LMBRD1: variants seen among roughly 807,000 people sequenced by gnomAD.
LMBRD1 encodes LMBR1 domain containing 1.
LMBRD1 carries 64 observed loss-of-function variants against 74.8 expected under a neutral mutation model. That is an observed-to-expected ratio of 0.86 (90% confidence interval 0.70 to 1.05). LMBRD1 has a LOEUF of 1.05. Ranked by LOEUF, LMBRD1 falls within the 50% of genes least tolerant of loss-of-function variation. The pLI is 0.00. For missense variants in LMBRD1, 652 were observed against 645.9 expected (o/e 1.01, Z -0.10); for synonymous variants, 204 against 216.3 (o/e 0.94, Z 0.50).
At chr6:69,773,891 A>C (rs73486032) in intron 3 of LMBRD1, among the ~76,000 whole-genome samples, 17,099 of 152,210 alleles carry the variant, frequency 0.11, 2,688 homozygotes, top group African/African-American at 0.35. Flanking sequence ...TGTTGCCTGC[A>C]TCAATATAGA....
chr6:69,716,980 ATAC>A (rs1485490813), intron 8 of LMBRD1, among the ~76,000 whole-genome samples: 1 of 151,814 alleles, frequency 6.6e-6, no homozygotes, highest in East Asian at 1.9e-4. Flanking sequence ...TATATTTTAT[ATAC>A]TCACAAACAG....
chr6:69,776,612 CAATT>C (rs1295189406), intron 3 of LMBRD1, among the ~76,000 whole-genome samples: 1 of 152,168 alleles, frequency 6.6e-6, no homozygotes, highest in Non-Finnish European at 1.5e-5. Context: ...ACATAAAAGA[CAATT>C]AAAGCATAAG....
intron 7 of LMBRD1, among the ~76,000 whole-genome samples, chr6:69,728,277 C>T (rs879454171): frequency 3.9e-5 from 6 of 152,172 alleles, no homozygotes; most frequent in Non-Finnish European, 7.4e-5. Context: ...TAGACACTAC[C>T]CCGATGATCC....
rs1355203134 is a variant in LMBRD1 at position 69,737,801 on chromosome 6, C to A, written c.636+141G>T. ...GATGGCTAAGTAGTTAAAATTTTAC[C>A]CTTAAGTAAAGAAAACTGAAGAAAA... On this transcript the variant is annotated intron_variant, in intron 7 of 15. Transcript: ENST00000649934. 3 of 670,720 alleles carry A rather than the reference C, an allele frequency of 4.5e-6. No homozygotes were observed. The East Asian group carries it at 8.4e-5, about 19-fold the overall frequency. 41.5% of individuals were successfully genotyped at this position (670,720 alleles called of 1,614,324 possible).
chr6:69,777,979 A>G (rs1765741949), intron 3 of LMBRD1, among the ~76,000 whole-genome samples: 1 of 152,194 alleles, frequency 6.6e-6, no homozygotes, highest in Admixed American at 6.5e-5. Context: ...GATAGTAACT[A>G]CCTTCGAAGC....
chr6:69,714,939 T>C (rs1025860451), intron 8 of LMBRD1, among the ~76,000 whole-genome samples: 14 of 152,158 alleles, frequency 9.2e-5, no homozygotes, highest in Admixed American at 3.9e-4. Context: ...TATGATTTTG[T>C]AGGTCTTGGG....
At chr6:69,706,519 A>G (rs557912755) in intron 9 of LMBRD1, among the ~76,000 whole-genome samples, 1 of 152,310 alleles carries the variant, frequency 6.6e-6, no homozygotes, top group East Asian at 1.9e-4. Context: ...AATTAATAAT[A>G]CGATCAACTT....
chr6:69,687,941 A>G (rs887407252), intron 14 of LMBRD1, among the ~76,000 whole-genome samples: 9 of 152,142 alleles, frequency 5.9e-5, no homozygotes, highest in Admixed American at 1.3e-4. Context: ...TCTTAGTTAT[A>G]TACTTTCAGA....
intron 6 of LMBRD1, 115 bp downstream of exon 6, chr6:69,741,674 C>T (rs1276305922): frequency 1.5e-6 from 1 of 669,876 alleles, no homozygotes; most frequent in Non-Finnish European, 2.6e-6. Context: ...CAGGCATGAG[C>T]CACCACGCCC....
chr6:69,746,488 G>T, intron 5 of LMBRD1: 1 of 157,260 alleles, frequency 6.4e-6, no homozygotes. Flanking sequence ...CTGTGTTGCC[G>T]AAGCTGTGTG....
At chr6:69,787,577 T>C (rs1368919785) in intron 2 of LMBRD1, among the ~76,000 whole-genome samples, 1 of 152,148 alleles carries the variant, frequency 6.6e-6, no homozygotes, top group Non-Finnish European at 1.5e-5. Context: ...AAACCCCATC[T>C]CTACTAAAAA....
At chr6:69,793,626 T>C (rs1456347304) in intron 1 of LMBRD1, among the ~76,000 whole-genome samples, 2 of 151,612 alleles carry the variant, frequency 1.3e-5, no homozygotes, top group Non-Finnish European at 2.9e-5. Context: ...AGGCATGAGA[T>C]ACCAAATCTA....
intron 1 of LMBRD1, among the ~76,000 whole-genome samples, chr6:69,792,508 C>G (rs1766108714): frequency 6.6e-6 from 1 of 152,192 alleles, no homozygotes; most frequent in Admixed American, 6.5e-5. Flanking sequence ...GCTGGCCTTT[C>G]AACTGGTGAC....
intron 14 of LMBRD1, among the ~76,000 whole-genome samples, chr6:69,682,780 A>C (rs931854725): frequency 2.6e-5 from 4 of 152,036 alleles, no homozygotes; most frequent in Non-Finnish European, 5.9e-5. Flanking sequence ...GTTGAGTCTG[A>C]CACTAATTTA....
chr6:69,760,664 T>G (rs1582133965), intron 3 of LMBRD1, among the ~76,000 whole-genome samples: 1 of 152,308 alleles, frequency 6.6e-6, no homozygotes, highest in Admixed American at 6.5e-5. Context: ...AGCTTGAGTG[T>G]GGGCTGGCAC....
rs1765522199 is a variant in LMBRD1 at position 69,675,277 on chromosome 6, T to A, written c.*881A>T. On this transcript the variant is annotated 3_prime_UTR_variant, in exon 16 of 16. Coordinates refer to ENST00000649934, the MANE Select transcript of LMBRD1 (RefSeq NM_018368.4). Reference sequence around the variant, plus strand: ...CTTATGTTAGTAAACTAGAATATAATTTTTTATTATTTCTCACTATCCAGA... The same window carrying A: ...CTTATGTTAGTAAACTAGAATATAAATTTTTATTATTTCTCACTATCCAGA... 6.6e-6 allele frequency among the ~76,000 whole-genome samples: 1 copy of A among 152,184 alleles called. No individual in the cohort carries two copies. The highest frequency in any genetic ancestry group is 2.1e-4 in the South Asian group (1 of 4,832).
In LMBRD1 at chr6:69,705,294, G is replaced by C. The variant is rs1766227855; in HGVS notation, c.916-3341C>G. The C allele has an allele frequency of 1.2e-5, 9 of 742,320 alleles. No individual in the cohort carries two copies. The Admixed American group carries it at 1.6e-4, about 13-fold the overall frequency. The allele number at this position is 742,320 out of a possible 1,614,324, so 46.0% of individuals were successfully genotyped here. A position where few individuals can be genotyped will look rare whatever the true frequency, so the allele number is the denominator to read the frequency against. On this transcript the variant is annotated intron_variant, in intron 9 of 15. Transcript: ENST00000649934. ...ATTGTTTAAACTATTTTCTTAAAGA[G>C]ACTTCCTCAACTGCCAGAGATCTTG...
At chr6:69,727,420 G>C (rs1766760014) in intron 7 of LMBRD1, among the ~76,000 whole-genome samples, 1 of 152,092 alleles carries the variant, frequency 6.6e-6, no homozygotes, top group Admixed American at 6.6e-5. Context: ...TCAGATTTTG[G>C]ATTTTCAGAT....
intron 9 of LMBRD1, among the ~76,000 whole-genome samples, chr6:69,707,375 T>C (rs1348409798): frequency 6.6e-6 from 1 of 152,188 alleles, no homozygotes; most frequent in Non-Finnish European, 1.5e-5. Flanking sequence ...TAAGGTTCCT[T>C]TGCCACTTAA....
Sources: gnomAD v4.1 joint callset for allele counts (sites outside exome capture counted in the v4.1 genomes callset) on GRCh38, gnomAD v4.1.1 for gene constraint, MANE v1.5 for transcripts, NCBI Gene and HGNC (gene_info 2026-07-23, HGNC 2026-07-21) for gene names.